Variants in H6PD observed in about 807,000 individuals in gnomAD.
H6PD encodes hexose-6-phosphate dehydrogenase/glucose 1-dehydrogenase.
In H6PD, 48 loss-of-function variants were observed where a neutral mutation model predicts 61.2. That is an observed-to-expected ratio of 0.78 (90% CI 0.62 to 1.00). H6PD has a LOEUF of 1.00. Among genes scored for constraint, H6PD ranks in the 50% least tolerant of loss-of-function variants. The pLI, the probability that H6PD is intolerant of heterozygous loss-of-function variation, is 0.00. For synonymous variants in H6PD, 480 were observed against 457.9 expected, an observed-to-expected ratio of 1.05 and a Z score of -0.62; for missense variants, 1,093 against 1,065.0, an observed-to-expected ratio of 1.03 and a Z score of -0.37.
At chr1:9,243,920 C>T (rs1203722925) in intron 1 of H6PD, among the ~76,000 whole-genome samples, 3 of 152,056 alleles carry the variant, frequency 2.0e-5, no homozygotes, top group Non-Finnish European at 4.4e-5. Flanking sequence ...AGATTTGGTC[C>T]CCTCTATAGC....
rs554433162 is a variant in H6PD, at chr1:9,268,285, G to C, written c.*3416G>C. ...GGAAAGAGTGATGACAACAGCCCAG[G>C]GAGCAGCCCCGCTCAGAACCCAAGT... On this transcript the variant is annotated 3_prime_UTR_variant, in exon 5 of 5. Transcript: ENST00000377403. 1 of 151,958 alleles carries C rather than the reference G, an allele frequency of 6.6e-6. No individual in the cohort carries two copies. Among genetic ancestry groups the C allele is most frequent in the Admixed American group, 6.6e-5 (1 of 15,252 alleles). The allele number at this position is 151,958 out of a possible 1,614,324, so 9.4% of individuals were successfully genotyped here.
rs1570132111 is a variant in H6PD, at chr1:9,265,052, A to ATT, written c.*184_*185dup. The ATT allele has an allele frequency of 1.5e-6, 1 of 670,194 alleles. No homozygotes were observed. The highest frequency in any genetic ancestry group is 2.7e-6 in the Non-Finnish European group (1 of 375,062). 41.5% of individuals were successfully genotyped at this position (670,194 alleles called of 1,614,324 possible). A position where few individuals can be genotyped will look rare whatever the true frequency, so the allele number is the denominator to read the frequency against. Reference sequence around the variant, plus strand: ...ATGCCTTTGACCGGCAGCTCTGTGTATTGGTGGATAGATGCAGAAACAAGG... The same window carrying ATT: ...ATGCCTTTGACCGGCAGCTCTGTGTATTTTGGTGGATAGATGCAGAAACAAGG... On this transcript the variant is annotated 3_prime_UTR_variant, in exon 5 of 5. Coordinates refer to ENST00000377403, the MANE Select transcript of H6PD (RefSeq NM_004285.4).
chr1:9,237,234 C>CTTTTTTTT, intron 1 of H6PD, among the ~76,000 whole-genome samples: 1 of 74,678 alleles, frequency 1.3e-5, no homozygotes, highest in Admixed American at 1.5e-4. Context: ...TATTTGACTT[C>CTTTTTTTT]TCTTTTTTTT....
rs758056630 is a variant in H6PD at position 9,264,021 on chromosome 1, C to A, written c.1528C>A (p.Leu510Met). Residue 510 changes from leucine (L) to methionine (M), a missense_variant, in exon 5 of 5, where the codon CTG (leucine) becomes ATG (methionine). By Grantham distance (15) the Leu-to-Met change is conservative (BLOSUM62 2). Transcript: ENST00000377403. ...CCCTGGAGGAGCTGAGAATGGCCGT[C>A]TGTTGGACTTTGAGTTCAGTAGCGG... ...LYPGGAENGRLLDFEFSSGRL... is the reference protein window; with the variant it reads ...LYPGGAENGRMLDFEFSSGRL... 6 of 1,614,118 alleles carry A rather than the reference C, an allele frequency of 3.7e-6. No individual in the cohort carries two copies. The highest frequency in any genetic ancestry group is 3.4e-6 in the Non-Finnish European group (4 of 1,180,054).
At chr1:9,241,934 G>A (rs533254015) in intron 1 of H6PD, among the ~76,000 whole-genome samples, 10 of 152,314 alleles carry the variant, frequency 6.6e-5, no homozygotes, top group East Asian at 3.9e-4. Flanking sequence ...GGAAAGGTGC[G>A]TTTAAGTCAT....
At position 9,264,657 on chromosome 1, in the gene H6PD, C is replaced by A. The variant is rs144508545; in HGVS notation, c.2164C>A (p.Pro722Thr). The change falls in exon 5 of 5, where the codon CCC (proline) becomes ACC (threonine). Residue 722 changes from proline (P) to threonine (T), a missense_variant. Coordinates refer to ENST00000377403, the MANE Select transcript of H6PD (RefSeq NM_004285.4). ...GCAGCTGGTCGTGCTGACCACGAGC[C>A]CCTCCCAGCCACACCGCCGCATGAG... The part of the protein sequence containing the change: ...GEQLVVLTTS[P>T]SQPHRRMSLS... 1 of 1,613,002 alleles carries A rather than the reference C, an allele frequency of 6.2e-7. No homozygotes were observed. Among genetic ancestry groups the A allele is most frequent in the Non-Finnish European group, 8.5e-7 (1 of 1,179,934 alleles).
At chr1:9,258,033 G>A (rs994945218) in intron 3 of H6PD, among the ~76,000 whole-genome samples, 5 of 152,234 alleles carry the variant, frequency 3.3e-5, no homozygotes, top group African/African-American at 1.2e-4. Flanking sequence ...TTCTGCCCCC[G>A]CGCCTGGTCA....
intron 1 of H6PD, 33 bp from the exon 2 acceptor site, chr1:9,244,892 C>A: frequency 6.2e-7 from 1 of 1,608,120 alleles, no homozygotes; most frequent in South Asian, 1.1e-5. Flanking sequence ...CTGATCCTTC[C>A]TTGTTCCTCG....
At position 9,245,802 on chromosome 1, in the gene H6PD, C is replaced by A. The variant is rs565394514; in HGVS notation, c.627+241C>A. Among the ~76,000 whole-genome samples, 1 of 152,158 alleles carries A rather than the reference C, an allele frequency of 6.6e-6. No individual in the cohort carries two copies. Among genetic ancestry groups the A allele is most frequent in the Non-Finnish European group, 1.5e-5 (1 of 68,020 alleles). Reference sequence around the variant, plus strand: ...TTGTCCTTTGCAAAGCCCCCGTTCTCGTTGTTTCCCAGTCTGGGCTCTGGC... The same window carrying A: ...TTGTCCTTTGCAAAGCCCCCGTTCTAGTTGTTTCCCAGTCTGGGCTCTGGC... On this transcript the variant is annotated intron_variant, in intron 2 of 4. Transcript: ENST00000377403. The surrounding 1 kb of genome is among the most constrained non-coding windows in gnomAD (Gnocchi z 4.8).
Position 9,264,084 on chromosome 1 carries a change from G to C in H6PD, c.1591G>C (p.Val531Leu), listed in dbSNP as rs753053054. ...FFSQQQPEQL[V>L]PGPGPAPMPS... is the part of the protein sequence containing the mutation. ...TTCCCAGCAGCAGCCGGAGCAGCTG[G>C]TGCCAGGGCCAGGGCCGGCCCCAAT... Residue 531 changes from valine (V) to leucine (L), a missense_variant, in exon 5 of 5, where the codon GTG becomes CTG. By Grantham distance (32) the Val-to-Leu change is conservative. Transcript: ENST00000377403. The C allele has an allele frequency of 1.2e-5, 20 of 1,613,936 alleles. No individual in the cohort carries two copies. The highest frequency in any genetic ancestry group is 8.8e-5 in the South Asian group (8 of 91,092).
At chr1:9,257,577 G>A (rs990634508) in intron 3 of H6PD, among the ~76,000 whole-genome samples, 5 of 152,222 alleles carry the variant, frequency 3.3e-5, no homozygotes, top group Non-Finnish European at 7.3e-5. Flanking sequence ...GTAGTGCTGT[G>A]TTAGGGGCTA....
chr1:9,251,229 T>C (rs1420023473), intron 3 of H6PD, among the ~76,000 whole-genome samples: 1 of 152,152 alleles, frequency 6.6e-6, no homozygotes, highest in African/African-American at 2.4e-5. Context: ...TAATGGGCTG[T>C]GTTCAGCTGT....
chr1:9,243,183 G>A (rs890929126), intron 1 of H6PD, among the ~76,000 whole-genome samples: 1 of 152,098 alleles, frequency 6.6e-6, no homozygotes, highest in African/African-American at 2.4e-5. Context: ...GAGAGATGAG[G>A]AAGAGGCAGA....
Position 9,253,261 on chromosome 1 carries a change from C to G in H6PD, c.745+6178C>G, listed in dbSNP as rs961595331. Among the ~76,000 whole-genome samples, 7 of 152,174 alleles carry G rather than the reference C, an allele frequency of 4.6e-5. No individual in the cohort carries two copies. The East Asian group carries it at 1.2e-3, about 25-fold the overall frequency. ...TTGAAATTAAGGAATAAAGGAAGCT[C>G]TCTTTTACCCAGCAGGTAGTAAACC... is the stretch of plus-strand genomic sequence containing the variant. On this transcript the variant is annotated intron_variant, in intron 3 of 4. Coordinates refer to ENST00000377403, the MANE Select transcript of H6PD (RefSeq NM_004285.4).
chr1:9,263,903 GA>G lies in H6PD; in HGVS notation c.1412del (p.Asn471IlefsTer93), dbSNP rs1205672096. 2 of 1,614,056 alleles carry G rather than the reference GA, an allele frequency of 1.2e-6. No homozygotes were observed. The highest frequency in any genetic ancestry group is 1.3e-5 in the African/African-American group (1 of 74,956). On this transcript the variant is annotated frameshift_variant, in exon 5 of 5. Transcript: ENST00000377403. LOFTEE classifies it high-confidence loss of function. ...TATCCCATATCTTCCATGGCCGGAA[GA>G]ATTTCTTCATCACCACAGAGAACTT... Reference protein sequence around the residue: ...LLSHIFHGRKNFFITTENLLA... With the variant: ...LLSHIFHGRKXFFITTENLLA...
rs1027860102 is a variant in H6PD, at chr1:9,271,258, T to C, written c.*6389T>C. ...CAGAACAAATGCCTTTTTAAACCTT[T>C]TAAGAACATTTTTAAAATGTCTTTT... On this transcript the variant is annotated 3_prime_UTR_variant, in exon 5 of 5. Coordinates refer to ENST00000377403, the MANE Select transcript of H6PD (RefSeq NM_004285.4). 6.6e-5 allele frequency: 10 copies of C among 152,232 alleles called. No individual in the cohort carries two copies. Among genetic ancestry groups the C allele is most frequent in the African/African-American group, 2.4e-4 (10 of 41,450 alleles). 9.4% of individuals were successfully genotyped at this position (152,232 alleles called of 1,614,324 possible).
At chr1:9,240,218 T>G (rs1640956955) in intron 1 of H6PD, among the ~76,000 whole-genome samples, 1 of 152,178 alleles carries the variant, frequency 6.6e-6, no homozygotes, top group Non-Finnish European at 1.5e-5. Context: ...GGCAAGTATC[T>G]TAAATAAGAA....
At chr1:9,258,290 C>T (rs1331742433) in intron 3 of H6PD, among the ~76,000 whole-genome samples, 3 of 130,230 alleles carry the variant, frequency 2.3e-5, no homozygotes, top group East Asian at 2.5e-4. Flanking sequence ...TTGTTACACC[C>T]GTGTTGTTAC....
In H6PD at chr1:9,263,972, GGCCCATAAGGCCCCACGCCTCTAC is replaced by G; in HGVS notation, c.1480_1503del (p.Ala494_Tyr501del). 6.2e-7 allele frequency: 1 copy of G among 1,614,200 alleles called. No individual in the cohort carries two copies. The highest frequency in any genetic ancestry group is 8.5e-7 in the Non-Finnish European group (1 of 1,180,032). ...TCTGGACCCCTCTGCTGGAGAGCCT[GGCCCATAAGGCCCCACGCCTCTAC>G]CCTGGAGGAGCTGAGAATGGCCGTC... On this transcript the variant is annotated inframe_deletion, in exon 5 of 5. Coordinates refer to ENST00000377403, the MANE Select transcript of H6PD (RefSeq NM_004285.4).
Sources: gnomAD v4.1 joint callset for allele counts (sites outside exome capture counted in the v4.1 genomes callset) on GRCh38, gnomAD v4.1.1 for gene constraint, Gnocchi (gnomAD v3.1) non-coding constraint, MANE v1.5 for transcripts, NCBI Gene and HGNC (gene_info 2026-07-23, HGNC 2026-07-21) for gene names.